UBA6: variants seen among roughly 807,000 people sequenced by gnomAD.
UBA6 encodes ubiquitin-like modifier-activating enzyme 6.
In UBA6, 87 loss-of-function variants were observed where a neutral mutation model predicts 148.3. That is an observed-to-expected ratio of 0.59 (90% CI 0.49 to 0.70). The LOEUF is 0.70. Among genes scored for constraint, UBA6 ranks in the 30% least tolerant of loss-of-function variants. The probability of loss-of-function intolerance (pLI) is 0.00; values close to 1 mark genes in which losing one functional copy is unlikely to be tolerated. For synonymous variants in UBA6, 376 were observed against 401.0 expected (o/e 0.94, Z 0.75); for missense variants, 1,186 against 1,241.2 (o/e 0.96, Z 0.67).
intron 19 of UBA6, 139 bp from the exon 20 acceptor site, chr4:67,635,697 A>G (rs942309040): frequency 1.4e-4 from 74 of 511,228 alleles, no homozygotes; most frequent in African/African-American, 2.0e-4. Flanking sequence ...CAGATATACT[A>G]CTATCAAACA....
intron 7 of UBA6, among the ~76,000 whole-genome samples, chr4:67,673,418 GAAAAAAA>G (rs566565882): frequency 1.7e-4 from 17 of 102,184 alleles, no homozygotes; most frequent in South Asian, 3.1e-4. Flanking sequence ...TCTGTCTCGG[GAAAAAAA>G]AAAAAAAAAA....
intron 13 of UBA6, among the ~76,000 whole-genome samples, chr4:67,652,967 G>A (rs578085081): frequency 2.0e-5 from 3 of 152,270 alleles, no homozygotes; most frequent in East Asian, 3.9e-4. Flanking sequence ...GCAGCCTGGC[G>A]GGCATACAGG....
intron 17 of UBA6, among the ~76,000 whole-genome samples, chr4:67,642,600 T>C (rs1729333293): frequency 6.6e-6 from 1 of 152,132 alleles, no homozygotes; most frequent in Non-Finnish European, 1.5e-5. Context: ...ATCTTTACTT[T>C]GCTCTCCCTC....
intron 29 of UBA6, 141 bp downstream of exon 29, chr4:67,624,853 T>C: frequency 1.6e-6 from 1 of 629,282 alleles, no homozygotes; most frequent in South Asian, 3.5e-5. Context: ...TTTCAGAAAA[T>C]ATTTTGAAAT....
chr4:67,655,336 C>T (rs1007319121), intron 13 of UBA6, among the ~76,000 whole-genome samples: 4 of 152,188 alleles, frequency 2.6e-5, no homozygotes, highest in African/African-American at 9.7e-5. Context: ...TCACAACAAA[C>T]TGCTCTCAGA....
chr4:67,688,535 TGAGA>T (rs1730623216), intron 2 of UBA6, among the ~76,000 whole-genome samples: 1 of 151,776 alleles, frequency 6.6e-6, no homozygotes, highest in African/African-American at 2.4e-5. Context: ...AAAACCCCTT[TGAGA>T]GAGAGAACTC....
chr4:67,661,323 T>C (rs1426973091), intron 13 of UBA6, among the ~76,000 whole-genome samples: 1 of 152,172 alleles, frequency 6.6e-6, no homozygotes, highest in African/African-American at 2.4e-5. Context: ...ATCCCCATAA[T>C]TGCCACATGT....
rs10005316 is a variant in UBA6, at chr4:67,687,042, T to G, written c.135-4829A>C. Reference sequence around the variant, plus strand: ...AAAATCTTTAAGACTATGTTTTTTTTTTTTTTTTTTTGAGACAGAGTCTCA... The same window carrying G: ...AAAATCTTTAAGACTATGTTTTTTTGTTTTTTTTTTTGAGACAGAGTCTCA... On this transcript the variant is annotated intron_variant, in intron 2 of 32. Transcript: ENST00000322244. Among the ~76,000 whole-genome samples, 440 of 143,710 alleles carry G rather than the reference T, an allele frequency of 3.1e-3. 2 individuals are homozygous for G. Among genetic ancestry groups the G allele is most frequent in the African/African-American group, 0.011 (413 of 37,612 alleles). The allele number at this position is 143,710 out of a possible 152,430, so 94.3% of individuals were successfully genotyped here.
Position 67,615,683 on chromosome 4 carries a change from G to C in UBA6, c.*3314C>G, listed in dbSNP as rs1728610889. Reference sequence around the variant, plus strand: ...TATTAACAGAAAAGTAAATTACACAGACATAATGAAGAATAAAGTACAGCT... The same window carrying C: ...TATTAACAGAAAAGTAAATTACACACACATAATGAAGAATAAAGTACAGCT... On this transcript the variant is annotated 3_prime_UTR_variant, in exon 33 of 33. Coordinates refer to ENST00000322244, the MANE Select transcript of UBA6 (RefSeq NM_018227.6). 1 of 153,704 alleles carries C rather than the reference G, an allele frequency of 6.5e-6. No individual in the cohort carries two copies. 9.5% of individuals were successfully genotyped at this position (153,704 alleles called of 1,614,324 possible).
chr4:67,644,706 T>C lies in UBA6; in HGVS notation c.1468A>G (p.Lys490Glu). The C allele has an allele frequency of 6.3e-7, 1 of 1,590,034 alleles. No homozygotes were observed. The highest frequency in any genetic ancestry group is 8.6e-7 in the Non-Finnish European group (1 of 1,158,218). ...ALLGVGTSKE[K>E]GMITVTDPDL... is the part of the protein sequence containing the mutation. ...AAGAATTGATATCTTACCATTCCTT[T>C]CTCTTTGCTTGTGCCAACACCAAGT... is the stretch of plus-strand genomic sequence containing the variant. Residue 490 changes from lysine (K) to glutamate (E), a missense_variant, in exon 17 of 33, where the codon AAA becomes GAA. Physicochemically the swap from Lys to Glu is moderately conservative, Grantham distance 56 (BLOSUM62 1). Transcript: ENST00000322244.
chr4:67,701,094 G>A lies in UBA6; in HGVS notation c.26C>T (p.Ala9Val), dbSNP rs772753860. ...ACAGGACGCCTCTTCCCCCTGATGG[G>A]CGGCCACAGGCTCGGATCCTTCCAT... MEGSEPVAAHQGEEASCSS... is the reference protein window; with the variant it reads MEGSEPVAVHQGEEASCSS... Residue 9 changes from alanine to valine, a missense_variant, in exon 1 of 33, where the codon GCC becomes GTC. Physicochemically the swap from Ala to Val is moderately conservative, Grantham distance 64. Transcript: ENST00000322244. 9.9e-6 allele frequency: 16 copies of A among 1,613,612 alleles called. No homozygotes were observed. The highest frequency in any genetic ancestry group is 1.4e-5 in the Non-Finnish European group (16 of 1,179,826).
intron 1 of UBA6, among the ~76,000 whole-genome samples, chr4:67,698,874 C>T (rs370688283): frequency 7.9e-5 from 12 of 152,000 alleles, no homozygotes; most frequent in African/African-American, 2.7e-4. Flanking sequence ...GTGGGAGAAT[C>T]GCTTGAACCC....
intron 19 of UBA6, among the ~76,000 whole-genome samples, chr4:67,636,874 C>G (rs1729160524): frequency 6.6e-6 from 1 of 150,776 alleles, no homozygotes; most frequent in Non-Finnish European, 1.5e-5. Context: ...TGTGAGGAGC[C>G]CCTCTGCCCG....
chr4:67,696,497 A>G (rs1730841158), intron 2 of UBA6, 148 bp downstream of exon 2: 2 of 554,130 alleles, frequency 3.6e-6, no homozygotes, highest in Non-Finnish European at 6.4e-6. Flanking sequence ...ACACATATAT[A>G]TACACACATA....
rs1056867395 is a variant in UBA6, at chr4:67,670,480, T to C, written c.659A>G (p.Asn220Ser). The change falls in exon 8 of 33, where the codon AAC becomes AGC. Residue 220 changes from asparagine to serine, a missense_variant. Physicochemically the swap from Asn to Ser is conservative, Grantham distance 46 (BLOSUM62 1). Transcript: ENST00000322244. ...GEEPKEIFIS[N>S]ITQANPGIVT... ...TTAATATAATCATACTTGCGTTATG[T>C]TTGAAATGAAAATTTCTTTTGGTTC... 5 of 1,572,444 alleles carry C rather than the reference T, an allele frequency of 3.2e-6. No individual in the cohort carries two copies. Among genetic ancestry groups the C allele is most frequent in the Non-Finnish European group, 4.4e-6 (5 of 1,144,894 alleles).
intron 6 of UBA6, among the ~76,000 whole-genome samples, chr4:67,677,328 C>G (rs1188937258): frequency 6.6e-6 from 1 of 152,110 alleles, no homozygotes; most frequent in Non-Finnish European, 1.5e-5. Context: ...TTCAGGTACA[C>G]AGGAAAGAAA....
chr4:67,659,892 G>A (rs893009995), intron 13 of UBA6, among the ~76,000 whole-genome samples: 8 of 152,162 alleles, frequency 5.3e-5, no homozygotes, highest in African/African-American at 1.9e-4. Context: ...AGATGGAGAC[G>A]AGGAACCTGT....
chr4:67,627,622 T>C (rs1728898078), intron 27 of UBA6, among the ~76,000 whole-genome samples: 1 of 151,922 alleles, frequency 6.6e-6, no homozygotes, highest in Non-Finnish European at 1.5e-5. Flanking sequence ...TTATTCTTTA[T>C]AGGCTATAAG....
At chr4:67,621,867 A>G (rs72642353) in intron 32 of UBA6, among the ~76,000 whole-genome samples, 14 of 152,334 alleles carry the variant, frequency 9.2e-5, no homozygotes, top group Non-Finnish European at 2.1e-4. Flanking sequence ...TAGGACAGTA[A>G]TAAGTGCTCT....
Sources: gnomAD v4.1 joint callset for allele counts (sites outside exome capture counted in the v4.1 genomes callset) on GRCh38, gnomAD v4.1.1 for gene constraint, MANE v1.5 for transcripts, NCBI Gene and HGNC (gene_info 2026-07-23, HGNC 2026-07-21) for gene names.